Variants in MAF observed in about 807,000 individuals in gnomAD.
The protein encoded by MAF is transcription factor Maf.
MAF carries 10 observed loss-of-function variants against 22.0 expected under a neutral mutation model. The ratio of observed to expected loss-of-function variants is 0.45; its 90% CI spans 0.28 to 0.77. The LOEUF (loss-of-function observed/expected upper bound fraction) is 0.77. Ranked by LOEUF, MAF falls within the 30% of genes least tolerant of loss-of-function variation. The pLI is 0.12. For missense variants in MAF, 544 were observed against 548.4 expected (o/e 0.99, Z 0.08); for synonymous variants, 337 against 255.8 (o/e 1.32, Z -3.03).
At chr16:79,211,586 G>C in the MAF span, 1 of 1,613,686 alleles carries the variant, frequency 6.2e-7, no homozygotes, top group Non-Finnish European at 8.5e-7. Context: ...ATTTTTTTTT[G>C]TCTTTCTTCT....
chr16:79,339,710 G>A, the MAF span, among the ~76,000 whole-genome samples: 3 of 152,238 alleles, frequency 2.0e-5, no homozygotes, highest in African/African-American at 7.2e-5. Flanking sequence ...ACCATAGAAA[G>A]GGAGAATGCA....
the MAF span, among the ~76,000 whole-genome samples, chr16:79,497,620 G>A: frequency 1.3e-5 from 2 of 152,186 alleles, no homozygotes; most frequent in African/African-American, 2.4e-5. Context: ...ACCCCAAGAC[G>A]AGGAATCTGG....
At chr16:79,544,332 G>A in the MAF span, among the ~76,000 whole-genome samples, 1 of 152,170 alleles carries the variant, frequency 6.6e-6, no homozygotes, top group African/African-American at 2.4e-5. Flanking sequence ...ATGGCAGATG[G>A]CTACTGCATT....
the MAF span, among the ~76,000 whole-genome samples, chr16:79,247,458 C>T: frequency 1.3e-5 from 2 of 152,188 alleles, no homozygotes; most frequent in Non-Finnish European, 2.9e-5. Flanking sequence ...CCCTCACCAG[C>T]TCACCCAGTT....
At chr16:79,418,793 A>C in the MAF span, among the ~76,000 whole-genome samples, 1 of 152,190 alleles carries the variant, frequency 6.6e-6, no homozygotes, top group African/African-American at 2.4e-5. Flanking sequence ...TCATTATCTC[A>C]TATCAGGAGC....
At chr16:79,507,297 T>C in the MAF span, among the ~76,000 whole-genome samples, 1 of 146,308 alleles carries the variant, frequency 6.8e-6, no homozygotes, top group Admixed American at 6.8e-5. Context: ...TGTACTTTTT[T>C]AGTGGAGACC....
At chr16:79,432,047 C>G in the MAF span, among the ~76,000 whole-genome samples, 2 of 152,152 alleles carry the variant, frequency 1.3e-5, no homozygotes, top group Non-Finnish European at 2.9e-5. Context: ...CACCAGAAAT[C>G]TCATCTTGAA....
chr16:79,485,682 A>G, the MAF span, among the ~76,000 whole-genome samples: 5 of 152,228 alleles, frequency 3.3e-5, no homozygotes, highest in African/African-American at 1.2e-4. Context: ...TAAAAGCACC[A>G]CTATTACACT....
chr16:79,556,128 G>A, the MAF span, among the ~76,000 whole-genome samples: 3 of 152,148 alleles, frequency 2.0e-5, no homozygotes, highest in East Asian at 5.8e-4. Flanking sequence ...TAATCAGCTT[G>A]CAAAATTCCT....
chr16:79,309,149 G>A, the MAF span, among the ~76,000 whole-genome samples: 1 of 152,094 alleles, frequency 6.6e-6, no homozygotes, highest in Non-Finnish European at 1.5e-5. Flanking sequence ...TGGATACAGG[G>A]GTGCTCTTCA....
At chr16:79,263,126 G>GACTAGGCAGTGA in the MAF span, among the ~76,000 whole-genome samples, 1 of 152,180 alleles carries the variant, frequency 6.6e-6, no homozygotes, top group East Asian at 1.9e-4. Flanking sequence ...CAGGAACTGG[G>GACTAGGCAGTGA]ACTAGGCAGT....
chr16:79,219,190 T>C, the MAF span, among the ~76,000 whole-genome samples: 1 of 152,140 alleles, frequency 6.6e-6, no homozygotes, highest in Non-Finnish European at 1.5e-5. Context: ...TGAGGGAGGC[T>C]CTGTGTCTTC....
chr16:79,248,338 CAAT>C, the MAF span, among the ~76,000 whole-genome samples: 24 of 152,254 alleles, frequency 1.6e-4, no homozygotes, highest in Middle Eastern at 3.4e-3. Flanking sequence ...ACAGTGTCTG[CAAT>C]AATAATTCTA....
chr16:79,524,225 C>A, the MAF span, among the ~76,000 whole-genome samples: 1 of 152,206 alleles, frequency 6.6e-6, no homozygotes, highest in East Asian at 1.9e-4. Flanking sequence ...GAGATCTAAA[C>A]GACTTAACCC....
chr16:79,303,908 G>C, the MAF span, among the ~76,000 whole-genome samples: 1 of 151,904 alleles, frequency 6.6e-6, no homozygotes, highest in Non-Finnish European at 1.5e-5. Context: ...AAAATGCGGG[G>C]AGAAAAAAAA....
At chr16:79,243,163 A>G in the MAF span, among the ~76,000 whole-genome samples, 1 of 152,026 alleles carries the variant, frequency 6.6e-6, no homozygotes, top group African/African-American at 2.4e-5. Context: ...GAGCAAACAA[A>G]TTAAAAAGCT....
At chr16:79,357,757 G>A in the MAF span, among the ~76,000 whole-genome samples, 1 of 152,086 alleles carries the variant, frequency 6.6e-6, no homozygotes, top group African/African-American at 2.4e-5. Flanking sequence ...ATGAGGGAAT[G>A]ATGGGCCAGT....
chr16:79,550,471 G>C, the MAF span, among the ~76,000 whole-genome samples: 1 of 152,094 alleles, frequency 6.6e-6, no homozygotes, highest in Non-Finnish European at 1.5e-5. Flanking sequence ...CTTCCAGTCA[G>C]TAAAACCTGC....
the MAF span, among the ~76,000 whole-genome samples, chr16:79,550,093 C>T: frequency 6.6e-6 from 1 of 152,144 alleles, no homozygotes; most frequent in Non-Finnish European, 1.5e-5. Context: ...ATACTGCTCT[C>T]TCCAAATCCT....
Sources: allele counts gnomAD v4.1 joint callset (sites outside exome capture counted in the v4.1 genomes callset), GRCh38; gene constraint gnomAD v4.1.1; transcripts MANE v1.5; gene names NCBI Gene and HGNC (gene_info 2026-07-23, HGNC 2026-07-21).